The following EVC2 variants were observed in gnomAD, a reference collection of about 807,000 sequenced individuals.
EVC2 encodes the protein limbin.
A neutral mutation model predicts 149.3 loss-of-function variants in EVC2; 148 were observed. The ratio of observed to expected loss-of-function variants is 0.99; its 90% CI spans 0.87 to 1.14. The LOEUF (loss-of-function observed/expected upper bound fraction) is 1.14, where lower values mean the gene tolerates loss of function less well. Among genes scored for constraint, EVC2 ranks in the 50% most tolerant of loss-of-function variants. The probability of loss-of-function intolerance (pLI) is 0.00; values close to 1 mark genes in which losing one functional copy is unlikely to be tolerated. For missense variants in EVC2, 1,854 were observed against 1,627.3 expected (o/e 1.14, Z -2.40); for synonymous variants, 776 against 649.9 (o/e 1.19, Z -2.95).
At chr4:5,678,394 G>C (rs1320838564) in intron 7 of EVC2, among the ~76,000 whole-genome samples, 1 of 152,136 alleles carries the variant, frequency 6.6e-6, no homozygotes. Context: ...GCTGGGAGAG[G>C]ACTCTTAAAA....
chr4:5,691,130 T>C, intron 4 of EVC2, 135 bp downstream of exon 4: 1 of 743,700 alleles, frequency 1.3e-6, no homozygotes, highest in Admixed American at 2.2e-5. Flanking sequence ...TTGCTATTTG[T>C]TCATTGCTCA....
chr4:5,557,304 C>T (rs1464640010), intron 21 of EVC2, among the ~76,000 whole-genome samples: 8 of 152,050 alleles, frequency 5.3e-5, no homozygotes, highest in Admixed American at 4.6e-4. Flanking sequence ...ATCACATCAA[C>T]GGGCTAAAGA....
chr4:5,643,764 T>A (rs1717508870), intron 9 of EVC2, among the ~76,000 whole-genome samples: 1 of 152,016 alleles, frequency 6.6e-6, no homozygotes. Context: ...CCACTAAAAC[T>A]ACAAAAATTA....
chr4:5,691,565 G>A (rs2151734191), intron 3 of EVC2, among the ~76,000 whole-genome samples: 1 of 152,324 alleles, frequency 6.6e-6, no homozygotes, highest in Middle Eastern at 3.4e-3. Flanking sequence ...CCTGGTCTGG[G>A]TGCAAGTGTG....
In EVC2 at chr4:5,694,515, A is replaced by C. The variant is rs777865289; in HGVS notation, c.284-14T>G. ...GTGGTGCTTCCACTGCAAAACAACA[A>C]CACACCCGTTTTATATAATGCGGAA... is the stretch of plus-strand genomic sequence containing the variant. On this transcript the variant is annotated splice_polypyrimidine_tract_variant and intron_variant, in intron 2 of 21. Transcript: ENST00000344408. 2 of 1,614,184 alleles carry C rather than the reference A, an allele frequency of 1.2e-6. No individual in the cohort carries two copies. Among genetic ancestry groups the C allele is most frequent in the Non-Finnish European group, 1.7e-6 (2 of 1,180,026 alleles).
chr4:5,699,644 A>G (rs78787368), intron 1 of EVC2, among the ~76,000 whole-genome samples: 1 of 146,720 alleles, frequency 6.8e-6, no homozygotes, highest in Non-Finnish European at 1.5e-5. Context: ...CATCTCTACA[A>G]AAAAAAAAAA....
chr4:5,639,469 T>A (rs1304784384), intron 10 of EVC2, among the ~76,000 whole-genome samples: 1 of 152,252 alleles, frequency 6.6e-6, no homozygotes, highest in African/African-American at 2.4e-5. Flanking sequence ...GGCTGACCTA[T>A]GAGAACTCCA....
At chr4:5,705,863 A>G (rs1352518188) in intron 1 of EVC2, among the ~76,000 whole-genome samples, 1 of 152,080 alleles carries the variant, frequency 6.6e-6, no homozygotes, top group Non-Finnish European at 1.5e-5. Context: ...CACCTTAAGA[A>G]CCACTGGGGA....
At chr4:5,568,677 G>C (rs375291835) in intron 19 of EVC2, 37 bp from the exon 20 acceptor site, 1 of 1,578,314 alleles carries the variant, frequency 6.3e-7, no homozygotes, top group Admixed American at 1.7e-5. Flanking sequence ...GACCCTCGCC[G>C]CCTCTCAACT....
intron 2 of EVC2, among the ~76,000 whole-genome samples, chr4:5,697,357 G>C (rs921403494): frequency 2.1e-4 from 32 of 152,280 alleles, no homozygotes; most frequent in African/African-American, 7.2e-4. Flanking sequence ...TGCCTTCAGG[G>C]GATATCAAAA....
Position 5,584,770 on chromosome 4 carries a change from C to T in EVC2, c.2910G>A (p.Leu970=), listed in dbSNP as rs556740370. ...EGGFAQSLVA[L]QFQKASRVTE... ...TCACCCGGGACGCCTTCTGGAACTG[C>T]AGAGCAACAAGCGACTGTGCAAAGC... Residue 970 remains leucine (L), a synonymous_variant, in exon 17 of 22, where the codon CTG becomes CTA. Transcript: ENST00000344408. The T allele has an allele frequency of 1.2e-6, 2 of 1,614,184 alleles. No homozygotes were observed. The highest frequency in any genetic ancestry group is 2.7e-5 in the African/African-American group (2 of 75,052).
intron 9 of EVC2, among the ~76,000 whole-genome samples, chr4:5,651,363 G>A (rs867438866): frequency 7.9e-5 from 12 of 152,042 alleles, no homozygotes; most frequent in African/African-American, 2.2e-4. Flanking sequence ...TGGATGAATA[G>A]ATGAATGAAA....
chr4:5,563,186 A>G, intron 21 of EVC2, 71 bp from the exon 22 acceptor site: 1 of 1,465,536 alleles, frequency 6.8e-7, no homozygotes, highest in East Asian at 2.3e-5. Flanking sequence ...TGAGTTCTCC[A>G]AGAGAATCCC....
intron 21 of EVC2, among the ~76,000 whole-genome samples, chr4:5,545,265 A>T (rs1721592817): frequency 6.6e-6 from 1 of 152,192 alleles, no homozygotes; most frequent in South Asian, 2.1e-4. Flanking sequence ...TGACACACAG[A>T]AATGGTTGAA....
the EVC2 span, among the ~76,000 whole-genome samples, chr4:5,537,352 G>A: frequency 6.6e-6 from 1 of 152,170 alleles, no homozygotes; most frequent in African/African-American, 2.4e-5. Context: ...ATTCCTTGAG[G>A]CCAGGGAGAG....
chr4:5,609,299 G>C (rs1175189155), intron 16 of EVC2, among the ~76,000 whole-genome samples: 3 of 152,130 alleles, frequency 2.0e-5, no homozygotes, highest in Non-Finnish European at 4.4e-5. Flanking sequence ...CTTAGTTGTG[G>C]GCATTCACAG....
chr4:5,628,101 G>C (rs941576887), intron 12 of EVC2, among the ~76,000 whole-genome samples: 1 of 150,788 alleles, frequency 6.6e-6, no homozygotes, highest in Admixed American at 6.6e-5. Context: ...GAAATAATAA[G>C]TGAGGAGCAG....
At chr4:5,595,065 ATGTG>A (rs1473414985) in intron 16 of EVC2, among the ~76,000 whole-genome samples, 2 of 152,238 alleles carry the variant, frequency 1.3e-5, no homozygotes, top group Non-Finnish European at 2.9e-5. Context: ...ATATGGGACT[ATGTG>A]AAAAGACCAA....
chr4:5,580,912 A>G (rs1316344142), intron 17 of EVC2, among the ~76,000 whole-genome samples: 2 of 152,004 alleles, frequency 1.3e-5, no homozygotes, highest in Non-Finnish European at 1.5e-5. Context: ...TTTGGTGTTG[A>G]TCTTATGATA....
Sources: gnomAD v4.1 joint callset for allele counts (sites outside exome capture counted in the v4.1 genomes callset) on GRCh38, gnomAD v4.1.1 for gene constraint, MANE v1.5 for transcripts, NCBI Gene and HGNC (gene_info 2026-07-23, HGNC 2026-07-21) for gene names.